The following RORA variants were observed in gnomAD, a reference collection of about 807,000 sequenced individuals.
The protein encoded by RORA is RAR related orphan receptor A.
RORA carries 7 observed loss-of-function variants against 69.5 expected under a neutral mutation model. The observed-to-expected ratio is 0.10, with a 90% confidence interval of 0.06 to 0.19. The LOEUF is 0.19. Ranked by LOEUF, RORA falls within the 10% of genes least tolerant of loss-of-function variation. The pLI, the probability that RORA is intolerant of heterozygous loss-of-function variation, is 1.00. For missense variants in RORA, 457 were observed against 663.0 expected, an observed-to-expected ratio of 0.69 and a Z score of 3.41; for synonymous variants, 261 against 240.8, an observed-to-expected ratio of 1.08 and a Z score of -0.78.
chr15:60,540,534 A>G (rs925493690), intron 2 of RORA, among the ~76,000 whole-genome samples: 4 of 142,736 alleles, frequency 2.8e-5, no homozygotes, highest in African/African-American at 5.3e-5. Context: ...ACAACCATTG[A>G]TTACTAATTC....
intron 1 of RORA, among the ~76,000 whole-genome samples, chr15:61,125,982 G>A (rs575603190): frequency 6.6e-6 from 1 of 152,350 alleles, no homozygotes; most frequent in South Asian, 2.1e-4. Context: ...ATTGACATAA[G>A]TATTAATGTT....
At chr15:60,826,400 C>A (rs2072957312) in intron 1 of RORA, among the ~76,000 whole-genome samples, 1 of 152,194 alleles carries the variant, frequency 6.6e-6, no homozygotes, top group South Asian at 2.1e-4. Context: ...CCCCTGTTCT[C>A]AAGGGGCAAT....
chr15:61,015,480 A>G (rs1399637713), intron 1 of RORA, among the ~76,000 whole-genome samples: 2 of 152,120 alleles, frequency 1.3e-5, no homozygotes, highest in Admixed American at 1.3e-4. Context: ...TACACAAAAA[A>G]AAATGTTTGG....
intron 2 of RORA, among the ~76,000 whole-genome samples, chr15:60,538,038 G>A (rs2066732601): frequency 6.6e-6 from 1 of 152,078 alleles, no homozygotes; most frequent in Non-Finnish European, 1.5e-5. Context: ...TTACAGATAC[G>A]GAAAATGAGC....
At chr15:60,509,286 A>T (rs1180231039) in intron 5 of RORA, among the ~76,000 whole-genome samples, 1 of 152,224 alleles carries the variant, frequency 6.6e-6, no homozygotes, top group Non-Finnish European at 1.5e-5. Flanking sequence ...ATGCTAGTTT[A>T]GTTTTGGGTT....
At chr15:61,123,439 T>C (rs577143205) in intron 1 of RORA, among the ~76,000 whole-genome samples, 1 of 152,200 alleles carries the variant, frequency 6.6e-6, no homozygotes, top group East Asian at 1.9e-4. Flanking sequence ...CTAAACCAGG[T>C]GTCTAATCCA....
At chr15:60,922,843 C>T (rs1489729279) in intron 1 of RORA, among the ~76,000 whole-genome samples, 3 of 152,180 alleles carry the variant, frequency 2.0e-5, no homozygotes, top group African/African-American at 7.2e-5. Context: ...AAAACTACAT[C>T]TAATACTATA....
At chr15:60,510,343 C>T (rs930169162) in intron 5 of RORA, 6 of 152,266 alleles carry the variant, frequency 3.9e-5, no homozygotes, top group East Asian at 1.9e-4. Flanking sequence ...AATATAGCAG[C>T]GGATGTTAAC....
At chr15:60,752,102 G>C (rs942964959) in intron 1 of RORA, among the ~76,000 whole-genome samples, 4 of 152,100 alleles carry the variant, frequency 2.6e-5, no homozygotes, top group Admixed American at 6.6e-5. Flanking sequence ...AAAAAAAATG[G>C]GGAGGGAGAA....
chr15:61,098,228 C>T (rs758020730), intron 1 of RORA, among the ~76,000 whole-genome samples: 11 of 144,210 alleles, frequency 7.6e-5, no homozygotes, highest in Non-Finnish European at 1.7e-4. Context: ...TCCTTCCTTC[C>T]CTCTCTCCCT....
chr15:60,814,595 G>A (rs2072784775), intron 1 of RORA, among the ~76,000 whole-genome samples: 1 of 152,170 alleles, frequency 6.6e-6, no homozygotes, highest in African/African-American at 2.4e-5. Flanking sequence ...GGATGGAAGA[G>A]AGGAAAGGGG....
At chr15:60,775,359 T>C (rs2072150008) in intron 1 of RORA, among the ~76,000 whole-genome samples, 1 of 152,180 alleles carries the variant, frequency 6.6e-6, no homozygotes, top group Non-Finnish European at 1.5e-5. Context: ...AAAAAACCCC[T>C]GATTTTCCTA....
At chr15:60,773,390 A>G (rs2072107759) in intron 1 of RORA, among the ~76,000 whole-genome samples, 4 of 152,172 alleles carry the variant, frequency 2.6e-5, no homozygotes, top group Admixed American at 2.0e-4. Flanking sequence ...TAGTATATAC[A>G]TGGTCCTTTA....
intron 2 of RORA, among the ~76,000 whole-genome samples, chr15:60,543,492 T>TC (rs1191216403): frequency 4.6e-5 from 7 of 152,142 alleles, no homozygotes; most frequent in African/African-American, 1.7e-4. Context: ...TCTTTTTTTT[T>TC]TCTTTAGACA....
In RORA at chr15:60,767,921, A is replaced by G. The variant is rs548960013; in HGVS notation, c.167-89235T>C. On this transcript the variant is annotated intron_variant, in intron 1 of 10. Transcript: ENST00000335670. ...CTTTTCACTGGACTGTCAGTTCCTT[A>G]AGGGCAGGGCCACATCTCGTTCATC... 1.2e-4 allele frequency among the ~76,000 whole-genome samples: 18 copies of G among 152,238 alleles called. 1 individual carries two copies. The highest frequency in any genetic ancestry group is 4.3e-4 in the African/African-American group (18 of 41,526).
chr15:61,003,359 T>C (rs920042767), intron 1 of RORA, among the ~76,000 whole-genome samples: 1 of 152,074 alleles, frequency 6.6e-6, no homozygotes, highest in African/African-American at 2.4e-5. Context: ...AATCTGGGGA[T>C]TCCAAATTCA....
intron 1 of RORA, among the ~76,000 whole-genome samples, chr15:61,089,603 G>T (rs1464050246): frequency 2.0e-5 from 3 of 152,154 alleles, no homozygotes; most frequent in Non-Finnish European, 4.4e-5. Context: ...CTAGACAGAA[G>T]ATCCTGAACC....
At chr15:60,825,695 C>A (rs1259666461) in intron 1 of RORA, among the ~76,000 whole-genome samples, 2 of 152,204 alleles carry the variant, frequency 1.3e-5, no homozygotes, top group African/African-American at 2.4e-5. Context: ...GGTACCCCAG[C>A]AGCCTGACTC....
intron 1 of RORA, among the ~76,000 whole-genome samples, chr15:61,171,762 G>C (rs556094412): frequency 4.6e-5 from 7 of 152,312 alleles, no homozygotes; most frequent in African/African-American, 1.7e-4. Flanking sequence ...TGGGTCATCT[G>C]TCCTCCCTGT....
Sources: gnomAD v4.1 joint callset for allele counts (sites outside exome capture counted in the v4.1 genomes callset) on GRCh38, gnomAD v4.1.1 for gene constraint, MANE v1.5 for transcripts, NCBI Gene and HGNC (gene_info 2026-07-23, HGNC 2026-07-21) for gene names.